SATB2: variants seen among roughly 807,000 people sequenced by gnomAD.
SATB2 encodes the protein SATB homeobox 2.
A neutral mutation model predicts 73.4 loss-of-function variants in SATB2; 1 was observed. The ratio of observed to expected loss-of-function variants is 0.01; its 90% CI spans 0.00 to 0.06. SATB2 has a LOEUF of 0.06. Among genes scored for constraint, SATB2 ranks in the 10% least tolerant of loss-of-function variants. The pLI is 1.00. For missense variants in SATB2, 459 were observed against 945.8 expected, an observed-to-expected ratio of 0.49 and a Z score of 6.75; for synonymous variants, 397 against 367.0, an observed-to-expected ratio of 1.08 and a Z score of -0.93.
intron 6 of SATB2, among the ~76,000 whole-genome samples, chr2:199,363,796 A>G (rs548030251): frequency 1.3e-5 from 2 of 152,222 alleles, no homozygotes; most frequent in Admixed American, 1.3e-4. Flanking sequence ...ATATGTATAC[A>G]ATATTCAAAG....
At chr2:199,317,496 G>A (rs1256494003) in intron 9 of SATB2, among the ~76,000 whole-genome samples, 1 of 152,046 alleles carries the variant, frequency 6.6e-6, no homozygotes, top group Non-Finnish European at 1.5e-5. Context: ...AAAGGTTTCT[G>A]CAGAGGATAA....
chr2:199,459,710 T>G (rs1353120916), upstream of SATB2: 1 of 152,750 alleles, frequency 6.5e-6, no homozygotes, highest in East Asian at 1.9e-4. This position sits in a 1 kb window ranked among gnomAD's most constrained non-coding sequence, Gnocchi z 4.2. Context: ...GCGTTGACTG[T>G]ACGGCGGCGC....
At chr2:199,403,679 T>G (rs1456302583) in intron 3 of SATB2, among the ~76,000 whole-genome samples, 3 of 152,228 alleles carry the variant, frequency 2.0e-5, no homozygotes, top group East Asian at 3.8e-4. Context: ...AAATAAATTC[T>G]TGACTATTTT....
intron 10 of SATB2, among the ~76,000 whole-genome samples, chr2:199,305,683 A>G (rs1687413239): frequency 6.6e-6 from 1 of 152,134 alleles, no homozygotes; most frequent in Non-Finnish European, 1.5e-5. Flanking sequence ...GAAAGCACCA[A>G]ATGGAGAAGG....
intron 7 of SATB2, among the ~76,000 whole-genome samples, chr2:199,337,076 T>TTA (rs1688358961): frequency 1.3e-5 from 2 of 152,190 alleles, no homozygotes; most frequent in Non-Finnish European, 2.9e-5. Context: ...CACAGTACAA[T>TTA]TTTTATTTTA....
intron 3 of SATB2, among the ~76,000 whole-genome samples, chr2:199,393,472 G>C (rs1690208255): frequency 6.6e-6 from 1 of 152,094 alleles, no homozygotes; most frequent in Non-Finnish European, 1.5e-5. Flanking sequence ...CTAGACACCT[G>C]ATAATGGCAC....
intron 7 of SATB2, among the ~76,000 whole-genome samples, chr2:199,346,356 G>A (rs1044819697): frequency 1.3e-5 from 2 of 151,894 alleles, no homozygotes; most frequent in Non-Finnish European, 2.9e-5. Flanking sequence ...CACCATGTTG[G>A]CCAGGATGGT....
chr2:199,388,610 A>G (rs928574312), intron 3 of SATB2, among the ~76,000 whole-genome samples: 1 of 152,170 alleles, frequency 6.6e-6, no homozygotes, highest in Non-Finnish European at 1.5e-5. Flanking sequence ...TGGATGGATA[A>G]TTTTCTTTTA....
chr2:199,437,702 T>A (rs1378647954), intron 2 of SATB2, among the ~76,000 whole-genome samples: 5 of 152,186 alleles, frequency 3.3e-5, no homozygotes, highest in Admixed American at 2.0e-4. Flanking sequence ...TTAAACAATT[T>A]TACATATTTA....
At chr2:199,378,962 T>C (rs1034744813) in intron 5 of SATB2, among the ~76,000 whole-genome samples, 1 of 152,204 alleles carries the variant, frequency 6.6e-6, no homozygotes, top group East Asian at 1.9e-4. Flanking sequence ...GAGACTCCCT[T>C]ACCCTGGAAC....
chr2:199,438,437 T>C (rs1360043264), intron 2 of SATB2, among the ~76,000 whole-genome samples: 1 of 152,236 alleles, frequency 6.6e-6, no homozygotes. Context: ...GCACTCTTGG[T>C]TAAATTCCAA....
intron 10 of SATB2, among the ~76,000 whole-genome samples, chr2:199,282,034 G>T (rs767790702): frequency 5.1e-4 from 78 of 151,696 alleles, no homozygotes; most frequent in Non-Finnish European, 8.0e-4. Flanking sequence ...GGTGCCCACC[G>T]CCACACCCAG....
chr2:199,423,042 T>C (rs1439299582), intron 3 of SATB2, among the ~76,000 whole-genome samples: 1 of 152,142 alleles, frequency 6.6e-6, no homozygotes, highest in East Asian at 1.9e-4. Context: ...GTTTTAATCC[T>C]CAAAACATAT....
Position 199,348,664 on chromosome 2 carries a change from T to TATTA in SATB2, c.1173+33_1173+36dup, listed in dbSNP as rs750191084. The TATTA allele has an allele frequency of 1.3e-5, 18 of 1,425,076 alleles. No homozygotes were observed. In the South Asian group the frequency reaches 2.3e-4, roughly 18 times the overall value. 88.3% of individuals were successfully genotyped at this position (1,425,076 alleles called of 1,614,324 possible). A position where few individuals can be genotyped will look rare whatever the true frequency, so the allele number is the denominator to read the frequency against. ...TAACCTATCTCAATTCTGTCCCCAG[T>TATTA]ATTACTGTTAATTACAGTGTTTAAT... is the stretch of plus-strand genomic sequence containing the variant. On this transcript the variant is annotated intron_variant, in intron 7 of 10. Transcript: ENST00000417098.
At chr2:199,328,102 C>G (rs184248681) in intron 8 of SATB2, among the ~76,000 whole-genome samples, 1 of 152,102 alleles carries the variant, frequency 6.6e-6, no homozygotes, top group Non-Finnish European at 1.5e-5. Context: ...ATCCTAGAGC[C>G]CGCCCCTGTG....
chr2:199,458,427 C>T (rs1374919751), upstream of SATB2: 1 of 385,570 alleles, frequency 2.6e-6, no homozygotes, highest in Non-Finnish European at 5.1e-6. Flanking sequence ...CACGAGGCGG[C>T]GAAGGACCGA....
At chr2:199,412,775 G>C (rs1043796837) in intron 3 of SATB2, among the ~76,000 whole-genome samples, 2 of 152,058 alleles carry the variant, frequency 1.3e-5, no homozygotes, top group Non-Finnish European at 2.9e-5. Context: ...CCCTAATGGG[G>C]ACAAGTCACA....
At chr2:199,384,890 T>C (rs1689882537) in intron 3 of SATB2, among the ~76,000 whole-genome samples, 1 of 152,226 alleles carries the variant, frequency 6.6e-6, no homozygotes, top group South Asian at 2.1e-4. Context: ...TAATGTGTCT[T>C]AAAGAGAAGA....
chr2:199,327,450 C>CA (rs1042719462), intron 8 of SATB2, among the ~76,000 whole-genome samples: 7 of 151,770 alleles, frequency 4.6e-5, no homozygotes, highest in Non-Finnish European at 5.9e-5. Context: ...CAAAAACAAA[C>CA]AAAAAAAATT....
Sources: gnomAD v4.1 joint callset for allele counts (sites outside exome capture counted in the v4.1 genomes callset) on GRCh38, gnomAD v4.1.1 for gene constraint, Gnocchi (gnomAD v3.1) non-coding constraint, MANE v1.5 for transcripts, NCBI Gene and HGNC (gene_info 2026-07-23, HGNC 2026-07-21) for gene names.